The following SBNO2 variants were observed in gnomAD, a reference collection of about 807,000 sequenced individuals.
SBNO2 encodes protein strawberry notch homolog 2.
Under a neutral mutation model 146.3 loss-of-function variants are expected in SBNO2, and 89 were observed. That is an observed-to-expected ratio of 0.61 (90% confidence interval 0.51 to 0.73). The LOEUF is 0.73. Among genes scored for constraint, SBNO2 ranks in the 30% least tolerant of loss-of-function variants. The probability of loss-of-function intolerance (pLI) is 0.00; values close to 1 mark genes in which losing one functional copy is unlikely to be tolerated. For synonymous variants in SBNO2, 1,147 were observed against 892.6 expected (o/e 1.29, Z -5.08); for missense variants, 2,092 against 2,003.7 (o/e 1.04, Z -0.84).
rs2079776929 is a variant in SBNO2, at chr19:1,112,493, G to A, written c.2424C>T (p.Leu808=). The A allele has an allele frequency of 6.2e-7, 1 of 1,606,460 alleles. No individual in the cohort carries two copies. Residue 808 remains leucine, a synonymous_variant, in exon 21 of 32, where the codon CTC becomes CTT. Transcript: ENST00000361757. This position sits in a 1 kb window ranked among gnomAD's most constrained non-coding sequence, Gnocchi z 5.9. ...ISEASSSGVS[L]QADRRVQNQR... is the part of the protein sequence containing the mutation. ...GGTTCTGGACACGGCGGTCGGCTTGGAGGGAGACACCCGAGCTGGAGGCCT... is the reference window on the plus strand; with the variant it reads ...GGTTCTGGACACGGCGGTCGGCTTGAAGGGAGACACCCGAGCTGGAGGCCT...
In SBNO2 at chr19:1,112,599, C is replaced by T; in HGVS notation, c.2380-62G>A. On this transcript the variant is annotated intron_variant, in intron 20 of 31. Transcript: ENST00000361757. The surrounding 1 kb of genome is among the most constrained non-coding windows in gnomAD (Gnocchi z 5.9). ...AAGGCCCGCCCCAGCGTTGCCGCCA[C>T]CTCCTCACCCACTAGGCCCCCGCTC... 6.6e-7 allele frequency: 1 copy of T among 1,508,248 alleles called. No homozygotes were observed. The highest frequency in any genetic ancestry group is 1.4e-5 in the African/African-American group (1 of 72,726). 93.4% of individuals were successfully genotyped at this position (1,508,248 alleles called of 1,614,324 possible). A position where few individuals can be genotyped will look rare whatever the true frequency, so the allele number is the denominator to read the frequency against.
chr19:1,139,173 G>A (rs2080112543), intron 4 of SBNO2, among the ~76,000 whole-genome samples: 1 of 152,240 alleles, frequency 6.6e-6, no homozygotes, highest in Admixed American at 6.5e-5. Flanking sequence ...CAGGAGCCAG[G>A]CTCTGACCCA....
rs1286365911 is a variant in SBNO2 at position 1,109,626 on chromosome 19, GAGTGT to G, written c.3124-33_3124-29del. The G allele has an allele frequency of 2.0e-6, 3 of 1,537,726 alleles. No homozygotes were observed. The highest frequency in any genetic ancestry group is 1.9e-5 in the Admixed American group (1 of 53,758). On this transcript the variant is annotated intron_variant, in intron 27 of 31. Transcript: ENST00000361757. The surrounding 1 kb of genome is among the most constrained non-coding windows in gnomAD (Gnocchi z 4.2). ...GCCACGGCACGGGGTGGGGGGGTGT[GAGTGT>G]GGTGGGGGCGGGGTGGGCAGAGTGT...
chr19:1,111,415 G>A lies in SBNO2; in HGVS notation c.2809+91C>T, dbSNP rs555458778. On this transcript the variant is annotated intron_variant, in intron 24 of 31. Transcript: ENST00000361757. ...GGGAGGGGTCACTCAACACACAACC[G>A]GCCTACAAAGCCTGCTGCCCCAGCT... is the stretch of plus-strand genomic sequence containing the variant. 4.1e-5 allele frequency: 37 copies of A among 902,402 alleles called. No individual in the cohort carries two copies. The East Asian group carries it at 5.8e-4, about 14-fold the overall frequency. 55.9% of individuals were successfully genotyped at this position (902,402 alleles called of 1,614,324 possible). A position where few individuals can be genotyped will look rare whatever the true frequency, so the allele number is the denominator to read the frequency against.
In SBNO2 at chr19:1,108,255, T is replaced by C. The variant is rs757921133; in HGVS notation, c.4066A>G (p.Ser1356Gly). Residue 1356 changes from serine to glycine, a missense_variant, in exon 32 of 32, where the codon AGC becomes GGC. Physicochemically the swap from Ser to Gly is moderately conservative, Grantham distance 56. Transcript: ENST00000361757. ...GCCTGGGCGCCGGGGAAGGGTGGGC[T>C]GAACTGGATCACGCTCTGCCGCTCG... ...GPERQSVIQF[S>G]PPFPGAQAPL is the part of the protein sequence containing the mutation. 2.2e-5 allele frequency: 33 copies of C among 1,524,858 alleles called. No homozygotes were observed. Among genetic ancestry groups the C allele is most frequent in the East Asian group, 2.6e-5 (1 of 38,000 alleles). 94.5% of individuals were successfully genotyped at this position (1,524,858 alleles called of 1,614,324 possible).
chr19:1,142,748 C>T (rs544189304), intron 4 of SBNO2, among the ~76,000 whole-genome samples: 1 of 152,122 alleles, frequency 6.6e-6, no homozygotes, highest in Admixed American at 6.5e-5. Flanking sequence ...GGGCAGATCA[C>T]CTGAGGTCAG....
intron 1 of SBNO2, among the ~76,000 whole-genome samples, chr19:1,165,694 T>G (rs149321439): frequency 1.4e-4 from 4 of 28,370 alleles, no homozygotes; most frequent in Non-Finnish European, 2.3e-4. Flanking sequence ...ACCCCAGATC[T>G]CAGACCCCAG....
chr19:1,145,485 A>AG (rs1049905231), intron 4 of SBNO2, among the ~76,000 whole-genome samples: 2 of 151,426 alleles, frequency 1.3e-5, no homozygotes, highest in African/African-American at 4.9e-5. Context: ...AAAAAAAAAA[A>AG]AAAGAAAGAA....
At chr19:1,156,931 A>ACCCG (rs1224274099) in intron 1 of SBNO2, among the ~76,000 whole-genome samples, 1 of 144,514 alleles carries the variant, frequency 6.9e-6, no homozygotes, top group Non-Finnish European at 1.5e-5. Flanking sequence ...ATCCCCCAGG[A>ACCCG]CCCGCCACTC....
Position 1,136,797 on chromosome 19 carries a change from C to G in SBNO2, c.280-9032G>C, listed in dbSNP as rs970849589. ...CCTGCCTGAAAGCAGCCAGAGTTTG[C>G]AAAGCGCTTTTCTGAGCCGTGAGCT... On this transcript the variant is annotated intron_variant, in intron 4 of 31. Coordinates refer to ENST00000361757, the MANE Select transcript of SBNO2 (RefSeq NM_014963.3). The surrounding 1 kb of genome is among the most constrained non-coding windows in gnomAD (Gnocchi z 4.2). 6.6e-6 allele frequency among the ~76,000 whole-genome samples: 1 copy of G among 152,178 alleles called. No homozygotes were observed. The highest frequency in any genetic ancestry group is 2.4e-5 in the African/African-American group (1 of 41,440).
intron 24 of SBNO2, 47 bp from the exon 25 acceptor site, chr19:1,111,140 T>C (rs1342370161): frequency 2.0e-6 from 3 of 1,523,040 alleles, no homozygotes; most frequent in Admixed American, 4.0e-5. Context: ...CCCCTGCCCC[T>C]CCCTCGAAGC....
chr19:1,132,633 AT>A (rs1256676646), intron 4 of SBNO2, among the ~76,000 whole-genome samples: 3 of 152,150 alleles, frequency 2.0e-5, no homozygotes, highest in Non-Finnish European at 4.4e-5. Context: ...CACCCCACGC[AT>A]GCCAAGCGCA....
intron 24 of SBNO2, 38 bp downstream of exon 24, chr19:1,111,468 C>T (rs1266564522): frequency 1.5e-5 from 21 of 1,428,990 alleles, no homozygotes; most frequent in Admixed American, 3.9e-5. Context: ...TCTGCAACCC[C>T]TGCCCCTCCC....
intron 1 of SBNO2, among the ~76,000 whole-genome samples, chr19:1,155,722 C>A (rs1399471218): frequency 6.6e-6 from 1 of 152,172 alleles, no homozygotes; most frequent in Non-Finnish European, 1.5e-5. Flanking sequence ...GAGCCTGGGA[C>A]CCCCCGACCC....
At chr19:1,166,260 G>A (rs965576258) in intron 1 of SBNO2, among the ~76,000 whole-genome samples, 1 of 26,324 alleles carries the variant, frequency 3.8e-5, no homozygotes, top group Non-Finnish European at 8.0e-5. Context: ...AGCCCAGAGG[G>A]AGGCCCGGTG....
At chr19:1,160,993 C>T (rs2080337886) in intron 1 of SBNO2, among the ~76,000 whole-genome samples, 1 of 147,942 alleles carries the variant, frequency 6.8e-6, no homozygotes, top group South Asian at 2.2e-4. Flanking sequence ...GGTGGAGGGT[C>T]CTGAGGTGCT....
At position 1,112,770 on chromosome 19, in the gene SBNO2, T is replaced by G. The variant is rs2079781412; in HGVS notation, c.2379+48A>C. ...CCCCGGGGACCCTTGGGCCCCTCTGTGCCTCTTGGGTCCCGTGGGCCGCGC... is the reference window on the plus strand; with the variant it reads ...CCCCGGGGACCCTTGGGCCCCTCTGGGCCTCTTGGGTCCCGTGGGCCGCGC... On this transcript the variant is annotated intron_variant, in intron 20 of 31. Transcript: ENST00000361757. This position sits in a 1 kb window ranked among gnomAD's most constrained non-coding sequence, Gnocchi z 5.9. 3 of 1,523,754 alleles carry G rather than the reference T, an allele frequency of 2.0e-6. No homozygotes were observed. The African/African-American group carries it at 4.1e-5, about 21-fold the overall frequency. 94.4% of individuals were successfully genotyped at this position (1,523,754 alleles called of 1,614,324 possible).
chr19:1,109,484 G>T lies in SBNO2; in HGVS notation c.3216+22C>A. On this transcript the variant is annotated intron_variant, in intron 28 of 31. Coordinates refer to ENST00000361757, the MANE Select transcript of SBNO2 (RefSeq NM_014963.3). This position sits in a 1 kb window ranked among gnomAD's most constrained non-coding sequence, Gnocchi z 4.2. ...GCCCCCCGCGGGCCCTCCTCTGGGG[G>T]GGTAACCCCGCCCGACCCCACCTTG... is the stretch of plus-strand genomic sequence containing the variant. 1.9e-6 allele frequency: 3 copies of T among 1,581,008 alleles called. No individual in the cohort carries two copies. The highest frequency in any genetic ancestry group is 2.6e-6 in the Non-Finnish European group (3 of 1,165,214).
At chr19:1,166,823 G>A (rs993348389) in intron 1 of SBNO2, among the ~76,000 whole-genome samples, 16 of 152,184 alleles carry the variant, frequency 1.1e-4, no homozygotes, top group Non-Finnish European at 2.1e-4. Context: ...TCCATGTGGA[G>A]GGTAGTCTGG....
Sources: allele counts gnomAD v4.1 joint callset (sites outside exome capture counted in the v4.1 genomes callset), GRCh38; gene constraint gnomAD v4.1.1; non-coding constraint Gnocchi (gnomAD v3.1); transcripts MANE v1.5; gene names NCBI Gene and HGNC (gene_info 2026-07-23, HGNC 2026-07-21).